The following CDK14 variants were observed in gnomAD, a reference collection of about 807,000 sequenced individuals.
The protein encoded by CDK14 is cyclin-dependent kinase 14.
Under a neutral mutation model 60.7 loss-of-function variants are expected in CDK14, and 34 were observed. That is an observed-to-expected ratio of 0.56 (90% confidence interval 0.43 to 0.75). The LOEUF is 0.75. CDK14 is among the 30% of genes least tolerant of loss of function. CDK14 has a pLI of 0.00. For missense variants in CDK14, 482 were observed against 564.1 expected, an observed-to-expected ratio of 0.85 and a Z score of 1.47; for synonymous variants, 197 against 203.7, an observed-to-expected ratio of 0.97 and a Z score of 0.28.
At chr7:90,861,369 AG>A in intron 5 of CDK14, among the ~76,000 whole-genome samples, 1 of 152,330 alleles carries the variant, frequency 6.6e-6, no homozygotes, top group Non-Finnish European at 1.5e-5. Context: ...AAGAGCATTA[AG>A]AGACAGCAAC....
At position 90,789,515 on chromosome 7, in the gene CDK14, TA is replaced by T. The variant is rs137904129; in HGVS notation, c.465-1054del. Among the ~76,000 whole-genome samples the T allele has an allele frequency of 3.3e-3, 505 of 152,266 alleles. 4 individuals are homozygous for T. Among genetic ancestry groups the T allele is most frequent in the African/African-American group, 0.012 (481 of 41,562 alleles). On this transcript the variant is annotated intron_variant, in intron 4 of 14. Coordinates refer to ENST00000380050, the MANE Select transcript of CDK14 (RefSeq NM_001287135.2). ...GGGAAAAAAGACATAATATAACAAT[TA>T]AAATGATATGTGTAAAAAATACAGT...
intron 2 of CDK14, among the ~76,000 whole-genome samples, chr7:90,697,722 A>G (rs1256040211): frequency 6.6e-6 from 1 of 152,164 alleles, no homozygotes; most frequent in Non-Finnish European, 1.5e-5. Flanking sequence ...TAGAATATCT[A>G]AATAGTATTA....
intron 14 of CDK14, among the ~76,000 whole-genome samples, chr7:91,177,137 A>T (rs1328148998): frequency 6.6e-6 from 1 of 151,566 alleles, no homozygotes; most frequent in Non-Finnish European, 1.5e-5. Context: ...CATCCCTGGG[A>T]TGCAAGGCTG....
intron 4 of CDK14, among the ~76,000 whole-genome samples, chr7:90,759,043 G>A (rs1459698067): frequency 2.2e-5 from 3 of 134,250 alleles, no homozygotes; most frequent in Non-Finnish European, 1.6e-5. Context: ...GTGACAGAGC[G>A]AGACTCTGTC....
chr7:90,763,439 G>T (rs1404423901), intron 4 of CDK14, among the ~76,000 whole-genome samples: 2 of 152,196 alleles, frequency 1.3e-5, no homozygotes, highest in Non-Finnish European at 2.9e-5. Context: ...TCAATGAGGA[G>T]TGTCAATGAA....
At chr7:90,729,528 G>A (rs939702183) in intron 3 of CDK14, among the ~76,000 whole-genome samples, 2 of 151,304 alleles carry the variant, frequency 1.3e-5, no homozygotes, top group African/African-American at 2.4e-5. Context: ...AAGGGGGAGA[G>A]ATAAATACAT....
intron 8 of CDK14, among the ~76,000 whole-genome samples, chr7:90,948,274 A>G (rs527813171): frequency 1.3e-5 from 2 of 152,364 alleles, no homozygotes; most frequent in South Asian, 4.1e-4. Context: ...AGAAGCAGAA[A>G]CTAGAAAATG....
chr7:90,838,095 G>A (rs1210611931), intron 5 of CDK14, among the ~76,000 whole-genome samples: 1 of 152,090 alleles, frequency 6.6e-6, no homozygotes, highest in Admixed American at 6.6e-5. Flanking sequence ...TGGAGGGACC[G>A]GCTGAAGCTG....
At chr7:91,114,255 C>T (rs904708672) in intron 13 of CDK14, among the ~76,000 whole-genome samples, 1 of 152,104 alleles carries the variant, frequency 6.6e-6, no homozygotes, top group Non-Finnish European at 1.5e-5. Flanking sequence ...TGTAGTAGTA[C>T]TTTTCTGTTA....
Position 91,117,594 on chromosome 7 carries a change from T to C in CDK14, c.1295-471T>C, listed in dbSNP as rs989880506. 6.6e-5 allele frequency among the ~76,000 whole-genome samples: 10 copies of C among 152,178 alleles called. No homozygotes were observed. In the East Asian group the frequency reaches 1.9e-3, roughly 29 times the overall value. Reference sequence around the variant, plus strand: ...CTCTTCTCTGCTTTATTTTTCTTCATAACATTTACCACTATTTAATATATT... The same window carrying C: ...CTCTTCTCTGCTTTATTTTTCTTCACAACATTTACCACTATTTAATATATT... On this transcript the variant is annotated intron_variant, in intron 13 of 14. Transcript: ENST00000380050.
Position 90,859,209 on chromosome 7 carries a change from G to A in CDK14, c.545-3966G>A, listed in dbSNP as rs77450659. Among the ~76,000 whole-genome samples the A allele has an allele frequency of 6.6e-5, 10 of 152,208 alleles. No individual in the cohort carries two copies. The East Asian group carries it at 1.5e-3, about 24-fold the overall frequency. On this transcript the variant is annotated intron_variant, in intron 5 of 14. Transcript: ENST00000380050. ...CACCCTTCTTATTGCCTTCCCCACCGATCAGTTATCAGACTGCCTTCTTTT... is the reference window on the plus strand; with the variant it reads ...CACCCTTCTTATTGCCTTCCCCACCAATCAGTTATCAGACTGCCTTCTTTT...
At chr7:90,661,519 G>A (rs935194103) in intron 2 of CDK14, among the ~76,000 whole-genome samples, 1 of 152,144 alleles carries the variant, frequency 6.6e-6, no homozygotes, top group Non-Finnish European at 1.5e-5. Context: ...ACTGGGTATG[G>A]TCTTTAAGTC....
chr7:90,950,566 T>C (rs1211854473), intron 8 of CDK14, among the ~76,000 whole-genome samples: 1 of 152,150 alleles, frequency 6.6e-6, no homozygotes, highest in Non-Finnish European at 1.5e-5. Flanking sequence ...GCAGAGAGAC[T>C]ACACCAAAAC....
intron 9 of CDK14, among the ~76,000 whole-genome samples, chr7:90,958,463 A>G (rs1562845235): frequency 1.3e-5 from 2 of 152,166 alleles, no homozygotes; most frequent in African/African-American, 4.8e-5. Context: ...GAGACTAAAG[A>G]TGATCATCTG....
chr7:91,127,131 A>G (rs139005739), intron 14 of CDK14, among the ~76,000 whole-genome samples: 10 of 152,260 alleles, frequency 6.6e-5, no homozygotes, highest in Admixed American at 6.5e-4. Flanking sequence ...AGGGAAAATG[A>G]TTGTGAAGTG....
intron 14 of CDK14, among the ~76,000 whole-genome samples, chr7:91,189,823 C>T (rs964666495): frequency 1.3e-5 from 2 of 152,158 alleles, no homozygotes; most frequent in African/African-American, 2.4e-5. Flanking sequence ...GCCTACATAG[C>T]GTAAGAGTTA....
chr7:90,626,902 G>A (rs1451466996), intron 2 of CDK14, among the ~76,000 whole-genome samples: 1 of 150,140 alleles, frequency 6.7e-6, no homozygotes. Context: ...TTGCACCATC[G>A]CACTCCAGTC....
intron 9 of CDK14, among the ~76,000 whole-genome samples, chr7:90,973,017 A>T (rs541921573): frequency 6.6e-6 from 1 of 152,256 alleles, no homozygotes; most frequent in South Asian, 2.1e-4. Context: ...TTTTGGAAGG[A>T]TACATAGGAT....
intron 14 of CDK14, among the ~76,000 whole-genome samples, chr7:91,196,659 G>T (rs191730157): frequency 6.6e-6 from 1 of 152,292 alleles, no homozygotes; most frequent in African/African-American, 2.4e-5. Flanking sequence ...ATTGTGGTGG[G>T]GAACAAGTTG....
Sources: gnomAD v4.1 joint callset for allele counts (sites outside exome capture counted in the v4.1 genomes callset) on GRCh38, gnomAD v4.1.1 for gene constraint, MANE v1.5 for transcripts, NCBI Gene and HGNC (gene_info 2026-07-23, HGNC 2026-07-21) for gene names.